Variants in DDX52 observed in about 807,000 individuals in gnomAD.
DDX52 encodes DExD-box helicase 52.
In DDX52, 59 loss-of-function variants were observed where a neutral mutation model predicts 76.1. That is an observed-to-expected ratio of 0.78 (90% CI 0.63 to 0.96). The LOEUF (loss-of-function observed/expected upper bound fraction) is 0.96, where lower values mean the gene tolerates loss of function less well. Ranked by LOEUF, DDX52 falls within the 40% of genes least tolerant of loss-of-function variation. The pLI is 0.00. For synonymous variants in DDX52, 231 were observed against 244.1 expected, an observed-to-expected ratio of 0.95 and a Z score of 0.50; for missense variants, 707 against 703.9, an observed-to-expected ratio of 1.00 and a Z score of -0.05.
chr17:37,632,647 GA>G (rs1311664099), intron 3 of DDX52, among the ~76,000 whole-genome samples: 2 of 152,120 alleles, frequency 1.3e-5, no homozygotes, highest in Non-Finnish European at 2.9e-5. Context: ...CTAAAACTCT[GA>G]TTATTAAAAC....
chr17:37,625,834 TAA>T, intron 8 of DDX52, 59 bp downstream of exon 8: 2 of 1,595,074 alleles, frequency 1.3e-6, no homozygotes, highest in East Asian at 2.2e-5. Flanking sequence ...CTTCAGTCTT[TAA>T]AAAAGACTTG....
At chr17:37,625,643 AC>A (rs1329417466) in intron 8 of DDX52, among the ~76,000 whole-genome samples, 1 of 152,036 alleles carries the variant, frequency 6.6e-6, no homozygotes, top group Non-Finnish European at 1.5e-5. Context: ...CTCATGTTAT[AC>A]TCTGTGGATG....
intron 4 of DDX52, chr17:37,631,877 C>A: frequency 1.8e-6 from 1 of 558,748 alleles, no homozygotes; most frequent in Non-Finnish European, 3.2e-6. Flanking sequence ...CACCAAATAC[C>A]ATGGAAGAAC....
intron 5 of DDX52, among the ~76,000 whole-genome samples, chr17:37,629,088 G>C (rs911479004): frequency 6.6e-6 from 1 of 151,892 alleles, no homozygotes; most frequent in Non-Finnish European, 1.5e-5. Context: ...AGGTGTGATG[G>C]TGCGCACCTG....
In DDX52 at chr17:37,611,880, G is replaced by C. The variant is rs1003682033; in HGVS notation, c.*2416C>G. 6.7e-6 allele frequency: 1 copy of C among 148,554 alleles called. No homozygotes were observed. Among genetic ancestry groups the C allele is most frequent in the African/African-American group, 2.5e-5 (1 of 40,440 alleles). The allele number at this position is 148,554 out of a possible 1,614,324, so 9.2% of individuals were successfully genotyped here. A position where few individuals can be genotyped will look rare whatever the true frequency, so the allele number is the denominator to read the frequency against. Reference sequence around the variant, plus strand: ...GGAGGCTGAGGTTTGAGGATCACTTGAGTCTAAGAGGTCAAGGCTGCAGTG... The same window carrying C: ...GGAGGCTGAGGTTTGAGGATCACTTCAGTCTAAGAGGTCAAGGCTGCAGTG... On this transcript the variant is annotated 3_prime_UTR_variant, in exon 15 of 15. Transcript: ENST00000617633.
chr17:37,612,590 A>G lies in DDX52; in HGVS notation c.*1706T>C, dbSNP rs549352326. On this transcript the variant is annotated 3_prime_UTR_variant, in exon 15 of 15. Coordinates refer to ENST00000617633, the MANE Select transcript of DDX52 (RefSeq NM_007010.5). The stretch of plus-strand genomic sequence containing the variant: ...ACAACATGATGTTTACACAATGACA[A>G]TATCACCTAACGATGCATTTCTCAG... The G allele has an allele frequency of 2.6e-5, 4 of 152,182 alleles. No individual in the cohort carries two copies. Among genetic ancestry groups the G allele is most frequent in the Admixed American group, 6.5e-5 (1 of 15,274 alleles). The allele number at this position is 152,182 out of a possible 1,614,324, so 9.4% of individuals were successfully genotyped here. A position where few individuals can be genotyped will look rare whatever the true frequency, so the allele number is the denominator to read the frequency against.
intron 6 of DDX52, among the ~76,000 whole-genome samples, chr17:37,627,587 AT>A (rs1372413753): frequency 6.6e-6 from 1 of 151,176 alleles, no homozygotes. Context: ...TAATTTTCAA[AT>A]CTTTTTTTCC....
Position 37,625,843 on chromosome 17 carries a change from C to G in DDX52, c.1136+52G>C, listed in dbSNP as rs1426736171. 15 of 1,603,574 alleles carry G rather than the reference C, an allele frequency of 9.4e-6. No individual in the cohort carries two copies. The East Asian group carries it at 3.1e-4, about 33-fold the overall frequency. ...TATCTCCTTCAGTCTTTAAAAAAGA[C>G]TTGTATTTAAAAAAAAAATCAGTGT... On this transcript the variant is annotated intron_variant, in intron 8 of 14. Coordinates refer to ENST00000617633, the MANE Select transcript of DDX52 (RefSeq NM_007010.5).
chr17:37,610,906 T>C lies in DDX52; in HGVS notation c.*3390A>G, dbSNP rs1164892401. ...AAGCTGAAATTTATGTAGCACATAG[T>C]TCCAACTGCTTTGAAGGAGCTAAAT... On this transcript the variant is annotated 3_prime_UTR_variant, in exon 15 of 15. Coordinates refer to ENST00000617633, the MANE Select transcript of DDX52 (RefSeq NM_007010.5). 1 of 152,244 alleles carries C rather than the reference T, an allele frequency of 6.6e-6. No homozygotes were observed. The highest frequency in any genetic ancestry group is 1.5e-5 in the Non-Finnish European group (1 of 68,036). The allele number at this position is 152,244 out of a possible 1,614,324, so 9.4% of individuals were successfully genotyped here. A position where few individuals can be genotyped will look rare whatever the true frequency, so the allele number is the denominator to read the frequency against.
intron 5 of DDX52, 79 bp from the exon 6 acceptor site, chr17:37,628,751 TAAA>T: frequency 9.9e-7 from 1 of 1,005,640 alleles, no homozygotes; most frequent in Non-Finnish European, 1.5e-6. Context: ...ATTAATGAAA[TAAA>T]TCTATTACCA....
chr17:37,634,434 C>T (rs1238908770), intron 2 of DDX52, among the ~76,000 whole-genome samples: 2 of 151,620 alleles, frequency 1.3e-5, no homozygotes, highest in Non-Finnish European at 2.9e-5. Context: ...GAGTTTAAGA[C>T]CAGCCTGGAC....
chr17:37,617,760 T>C (rs888177864), intron 14 of DDX52, among the ~76,000 whole-genome samples: 1 of 152,166 alleles, frequency 6.6e-6, no homozygotes, highest in Non-Finnish European at 1.5e-5. Context: ...TTATAGAGAA[T>C]TGAAATAATA....
chr17:37,620,982 T>TG (rs1323117997), intron 11 of DDX52, 34 bp from the exon 12 acceptor site: 1 of 1,573,250 alleles, frequency 6.4e-7, no homozygotes. Flanking sequence ...AAACACATTT[T>TG]GGGGGGAAGG....
intron 9 of DDX52, among the ~76,000 whole-genome samples, chr17:37,622,790 T>G: frequency 6.6e-6 from 1 of 152,178 alleles, no homozygotes; most frequent in Non-Finnish European, 1.5e-5. Flanking sequence ...TGGAAAACCT[T>G]AAATTTCCTA....
chr17:37,616,133 G>C (rs2064422943), intron 14 of DDX52, among the ~76,000 whole-genome samples: 1 of 152,172 alleles, frequency 6.6e-6, no homozygotes, highest in African/African-American at 2.4e-5. Flanking sequence ...ACTTTCATCA[G>C]TTGCTGCTCA....
chr17:37,621,694 T>C (rs1041266885), intron 9 of DDX52, among the ~76,000 whole-genome samples, 174 bp from the exon 10 acceptor site: 5 of 152,200 alleles, frequency 3.3e-5, no homozygotes, highest in Admixed American at 2.0e-4. Context: ...TTCTCTCCAA[T>C]TGGTTATTTC....
At chr17:37,622,963 G>A (rs1422178832) in intron 9 of DDX52, among the ~76,000 whole-genome samples, 3 of 152,340 alleles carry the variant, frequency 2.0e-5, no homozygotes, top group South Asian at 2.1e-4. Flanking sequence ...AGGAAAATGT[G>A]GAAGAGAGGT....
In DDX52 at chr17:37,628,498, G is replaced by A. The variant is rs112553844; in HGVS notation, c.859+63C>T. 4.1e-3 allele frequency: 5,390 copies of A among 1,318,078 alleles called. 39 individuals are homozygous for A. In the Middle Eastern group the frequency reaches 0.05, roughly 12 times the overall value. The allele number at this position is 1,318,078 out of a possible 1,614,324, so 81.6% of individuals were successfully genotyped here. On this transcript the variant is annotated intron_variant, in intron 6 of 14. Transcript: ENST00000617633. ...TTTAACAACACTTACATAGCAATTA[G>A]GATATTTATAATTTCCAGATTCCTT...
At chr17:37,625,195 G>A (rs1704145550) in intron 8 of DDX52, among the ~76,000 whole-genome samples, 1 of 152,054 alleles carries the variant, frequency 6.6e-6, no homozygotes, top group Non-Finnish European at 1.5e-5. Context: ...GTTTCGCCAT[G>A]TTGGTCAGGC....
Sources: gnomAD v4.1 joint callset for allele counts (sites outside exome capture counted in the v4.1 genomes callset) on GRCh38, gnomAD v4.1.1 for gene constraint, MANE v1.5 for transcripts, NCBI Gene and HGNC (gene_info 2026-07-23, HGNC 2026-07-21) for gene names.